Variants in NLRP7 observed in about 807,000 individuals in gnomAD.
The protein encoded by NLRP7 is NLR family pyrin domain containing 7, also known as NACHT, LRR and PYD domains-containing protein 7.
In NLRP7, 72 loss-of-function variants were observed where a neutral mutation model predicts 85.5. That is an observed-to-expected ratio of 0.84 (90% confidence interval 0.70 to 1.02). The LOEUF is 1.02. Ranked by LOEUF, NLRP7 falls within the 50% of genes least tolerant of loss-of-function variation. NLRP7 has a pLI of 0.00. For missense variants in NLRP7, 1,243 were observed against 1,219.5 expected, an observed-to-expected ratio of 1.02 and a Z score of -0.29; for synonymous variants, 550 against 505.2, an observed-to-expected ratio of 1.09 and a Z score of -1.19.
chr19:54,947,149 A>AC lies in NLRP7; in HGVS notation c.-40+319dup, dbSNP rs1389121511. 1.8e-4 allele frequency among the ~76,000 whole-genome samples: 28 copies of AC among 151,968 alleles called. No homozygotes were observed. The East Asian group carries it at 1.9e-3, about 11-fold the overall frequency. On this transcript the variant is annotated intron_variant, in intron 1 of 9. Transcript: ENST00000340844. ...AGACCAGCCTGGCCAACATGGTGAG[A>AC]CCCCGTCTCTACTAAAAATACAAAA... is the stretch of plus-strand genomic sequence containing the variant.
At chr19:54,939,646 C>T (rs780110978) in exon 4 of NLRP7, 13 of 1,611,510 alleles carry the variant, frequency 8.1e-6, no homozygotes, top group Middle Eastern at 1.8e-4. Context: ...GGAACAGCCC[C>T]GTGCGGGTGA....
At chr19:54,939,586 C>G (rs2069116014) in exon 4 of NLRP7, 3 of 1,611,536 alleles carry the variant, frequency 1.9e-6, no homozygotes, top group Non-Finnish European at 2.5e-6. Flanking sequence ...GCGTCCGCAG[C>G]GCGCCCCGCA....
chr19:54,941,589 G>A, exon 2 of NLRP7: 1 of 1,613,906 alleles, frequency 6.2e-7, no homozygotes, highest in South Asian at 1.1e-5. Flanking sequence ...CAGACCATGG[G>A]GTCTTCTGTA....
rs2068821074 is a variant in NLRP7 at position 54,934,598 on chromosome 19, T to G, written c.2362A>C (p.Asn788His). The G allele has an allele frequency of 6.2e-7, 1 of 1,614,148 alleles. No individual in the cohort carries two copies. The highest frequency in any genetic ancestry group is 8.5e-7 in the Non-Finnish European group (1 of 1,180,004). The change falls in exon 7 of 10, where the codon AAC becomes CAC. Residue 788 changes from asparagine to histidine, a missense_variant. Asn to His is a moderately conservative substitution (Grantham distance 68, BLOSUM62 1). Transcript: ENST00000340844. The surrounding 1 kb of genome is among the most constrained non-coding windows in gnomAD (Gnocchi z 6.7). ...AGACGCAGGTGCTTCAGGGACTGGT[T>G]GGCTTTGAGGACATAGAAGAATTCA...
chr19:54,936,674 T>C (rs1490745742), intron 5 of NLRP7, among the ~76,000 whole-genome samples: 1 of 151,496 alleles, frequency 6.6e-6, no homozygotes, highest in African/African-American at 2.4e-5. Context: ...ATAAATTAGC[T>C]GGGGCCGAGG....
At chr19:54,963,735 A>C (rs995922803) in intron 1 of NLRP7, among the ~76,000 whole-genome samples, 22 of 150,398 alleles carry the variant, frequency 1.5e-4, no homozygotes, top group Middle Eastern at 3.5e-3. Flanking sequence ...GAGGCAGGAG[A>C]ATCGCTTGAA....
chr19:54,956,527 T>TAA (rs11382567), intron 1 of NLRP7, among the ~76,000 whole-genome samples: 45 of 150,024 alleles, frequency 3.0e-4, no homozygotes, highest in African/African-American at 9.3e-4. Context: ...CCATCTCTAC[T>TAA]AAAAAAAAAT....
exon 4 of NLRP7, chr19:54,939,586 C>T: frequency 1.9e-6 from 3 of 1,611,536 alleles, no homozygotes; most frequent in Non-Finnish European, 2.5e-6. Context: ...GCGTCCGCAG[C>T]GCGCCCCGCA....
At chr19:54,945,935 G>A (rs1209461285) in intron 1 of NLRP7, among the ~76,000 whole-genome samples, 4 of 150,850 alleles carry the variant, frequency 2.7e-5, no homozygotes, top group East Asian at 2.0e-4. Flanking sequence ...GACTACAGGC[G>A]CCCGCCACTA....
intron 5 of NLRP7, among the ~76,000 whole-genome samples, chr19:54,936,742 C>T (rs1439891690): frequency 6.6e-6 from 1 of 151,956 alleles, no homozygotes; most frequent in East Asian, 1.9e-4. Context: ...TGGGGAAGCC[C>T]CGTCTCTACT....
At chr19:54,949,279 A>AG (rs2069595199), upstream of NLRP7, among the ~76,000 whole-genome samples, 1 of 151,754 alleles carries the variant, frequency 6.6e-6, no homozygotes, top group African/African-American at 2.4e-5. Context: ...ATCTTTAAAA[A>AG]AAAAAAAAAA....
chr19:54,933,692 G>A (rs760526238), exon 8 of NLRP7: 61 of 1,614,048 alleles, frequency 3.8e-5, no homozygotes, highest in Non-Finnish European at 1.1e-5. Flanking sequence ...AACCAAGACA[G>A]CAGCAAGGTC....
chr19:54,940,482 A>G lies in NLRP7; in HGVS notation c.353-16T>C. The G allele has an allele frequency of 6.2e-7, 1 of 1,613,056 alleles. No individual in the cohort carries two copies. The highest frequency in any genetic ancestry group is 8.5e-7 in the Non-Finnish European group (1 of 1,179,558). On this transcript the variant is annotated splice_polypyrimidine_tract_variant and intron_variant, in intron 3 of 9. Transcript: ENST00000340844. ...TCCTTTTCACCTGCAGTGACAGCCC[A>G]TAGGACAGTTGAGGTTGATGATGAT...
chr19:54,952,991 T>G (rs2069719643), intron 1 of NLRP7: 1 of 151,666 alleles, frequency 6.6e-6, no homozygotes, highest in Non-Finnish European at 1.5e-5. Flanking sequence ...CAAAAATTAG[T>G]CAGGCGTGGT....
At chr19:54,965,302 G>C (rs1369299583) in intron 1 of NLRP7, 1 of 102,690 alleles carries the variant, frequency 9.7e-6, no homozygotes, top group African/African-American at 4.5e-5. Flanking sequence ...GGCTGCGGCC[G>C]AGAAAGAAGC....
chr19:54,942,058 C>T (rs778965209), intron 1 of NLRP7, among the ~76,000 whole-genome samples: 56 of 151,250 alleles, frequency 3.7e-4, no homozygotes, highest in Admixed American at 2.4e-3. Context: ...TCGAGACCAT[C>T]CTGGCTAACA....
chr19:54,946,497 C>CTT (rs35052489), intron 1 of NLRP7, among the ~76,000 whole-genome samples: 4 of 140,692 alleles, frequency 2.8e-5, no homozygotes, highest in Admixed American at 7.1e-5. Flanking sequence ...GCCCAGCCTA[C>CTT]TTTTTTTTTT....
chr19:54,945,262 A>G (rs2146247131), intron 1 of NLRP7, among the ~76,000 whole-genome samples: 1 of 150,042 alleles, frequency 6.7e-6, no homozygotes, highest in East Asian at 2.0e-4. Context: ...AAAAGAAAAG[A>G]AAAGAAAAAT....
intron 1 of NLRP7, among the ~76,000 whole-genome samples, chr19:54,961,915 T>G (rs1362769048): frequency 6.6e-6 from 1 of 150,998 alleles, no homozygotes; most frequent in Non-Finnish European, 1.5e-5. Context: ...TCCCAGAACT[T>G]TGGGAGGCTG....
Sources: gnomAD v4.1 joint callset for allele counts (sites outside exome capture counted in the v4.1 genomes callset) on GRCh38, gnomAD v4.1.1 for gene constraint, Gnocchi (gnomAD v3.1) non-coding constraint, MANE v1.5 for transcripts, NCBI Gene and HGNC (gene_info 2026-07-23, HGNC 2026-07-21) for gene names.